ZNF462: variants seen among roughly 807,000 people sequenced by gnomAD.
The protein encoded by ZNF462 is zinc finger protein 462, also known as zinc finger PBX1-interacting protein.
A neutral mutation model predicts 201.9 loss-of-function variants in ZNF462; 10 were observed. The observed-to-expected ratio is 0.05, with a 90% CI of 0.03 to 0.08. The LOEUF is 0.08. Among genes scored for constraint, ZNF462 ranks in the 10% least tolerant of loss-of-function variants. The pLI is 1.00. For missense variants in ZNF462, 2,523 were observed against 3,168.3 expected, an observed-to-expected ratio of 0.80 and a Z score of 4.89; for synonymous variants, 1,227 against 1,193.3, an observed-to-expected ratio of 1.03 and a Z score of -0.58.
rs750663737 is a variant in ZNF462, at chr9:106,928,545, G to A, written c.4633G>A (p.Ala1545Thr). 2.5e-6 allele frequency: 4 copies of A among 1,613,966 alleles called. No homozygotes were observed. Among genetic ancestry groups the A allele is most frequent in the African/African-American group, 1.3e-5 (1 of 74,970 alleles). ...QKRHPSIKVTAEDFVHDVEQS... is the reference protein window; with the variant it reads ...QKRHPSIKVTTEDFVHDVEQS... Reference sequence around the variant, plus strand: ...GCGACACCCGTCCATCAAGGTGACCGCTGAGGACTTTGTGCACGACGTAGA... The same window carrying A: ...GCGACACCCGTCCATCAAGGTGACCACTGAGGACTTTGTGCACGACGTAGA... Residue 1545 changes from alanine (A) to threonine (T), a missense_variant, in exon 3 of 13, where the codon GCT becomes ACT. Coordinates refer to ENST00000277225, the MANE Select transcript of ZNF462 (RefSeq NM_021224.6). The surrounding 1 kb of genome is among the most constrained non-coding windows in gnomAD (Gnocchi z 9.3).
At position 106,925,831 on chromosome 9, in the gene ZNF462, C is replaced by T. The variant is rs753104624; in HGVS notation, c.1919C>T (p.Pro640Leu). 2.5e-6 allele frequency: 4 copies of T among 1,614,110 alleles called. No homozygotes were observed. The African/African-American group carries it at 4.0e-5, about 16-fold the overall frequency. ...PKFEGQPSSLPLENETDSHPS... is the reference protein window; with the variant it reads ...PKFEGQPSSLLLENETDSHPS... ...TTCGAGGGGCAGCCCTCAAGCCTAC[C>T]ATTGGAAAATGAGACAGACAGCCAC... The change falls in exon 3 of 13, where the codon CCA becomes CTA. Residue 640 changes from proline to leucine, a missense_variant. By Grantham distance (98) the Pro-to-Leu change is moderately conservative. Transcript: ENST00000277225. This position sits in a 1 kb window ranked among gnomAD's most constrained non-coding sequence, Gnocchi z 7.9.
At chr9:106,889,049 T>A (rs548799967) in intron 1 of ZNF462, among the ~76,000 whole-genome samples, 1 of 152,252 alleles carries the variant, frequency 6.6e-6, no homozygotes, top group Non-Finnish European at 1.5e-5. Flanking sequence ...ATATTCTGGA[T>A]ATGCTTTAAC....
chr9:106,959,052 T>G lies in ZNF462; in HGVS notation c.6428-12953T>G, dbSNP rs562071399. Reference sequence around the variant, plus strand: ...AGATGACTTTTTGAAGCAAGTTGATTTGTGACCATTCCATGTGCATTGTTA... The same window carrying G: ...AGATGACTTTTTGAAGCAAGTTGATGTGTGACCATTCCATGTGCATTGTTA... On this transcript the variant is annotated intron_variant, in intron 7 of 12. Coordinates refer to ENST00000277225, the MANE Select transcript of ZNF462 (RefSeq NM_021224.6). 2.9e-4 allele frequency among the ~76,000 whole-genome samples: 44 copies of G among 152,250 alleles called. 1 individual carries two copies. The highest frequency in any genetic ancestry group is 6.2e-4 in the South Asian group (3 of 4,830).
At chr9:106,888,908 T>G (rs772421356) in intron 1 of ZNF462, among the ~76,000 whole-genome samples, 3 of 152,266 alleles carry the variant, frequency 2.0e-5, no homozygotes, top group Non-Finnish European at 4.4e-5. Flanking sequence ...TGAGCCTTTG[T>G]TTTTGGAAGA....
In ZNF462 at chr9:106,870,879, C is replaced by G. The variant is rs988454120; in HGVS notation, c.-31+7524C>G. ...GTCTGAGCAGTTGAACCAGAACACA[C>G]GCTAAGGCCTCCAAATTTTGGAATT... On this transcript the variant is annotated intron_variant, in intron 1 of 12. Transcript: ENST00000277225. The surrounding 1 kb of genome is among the most constrained non-coding windows in gnomAD (Gnocchi z 4.3). Among the ~76,000 whole-genome samples the G allele has an allele frequency of 6.6e-6, 1 of 152,124 alleles. No individual in the cohort carries two copies. Among genetic ancestry groups the G allele is most frequent in the East Asian group, 1.9e-4 (1 of 5,192 alleles).
intron 1 of ZNF462, among the ~76,000 whole-genome samples, chr9:106,864,378 TG>T (rs943139182): frequency 5.3e-5 from 8 of 151,722 alleles, no homozygotes; most frequent in African/African-American, 1.9e-4. Context: ...GGCAGGGGCC[TG>T]GGGGGGCGTC....
In ZNF462 at chr9:106,982,146, G is replaced by A. The variant is rs535387899; in HGVS notation, c.6833-2040G>A. On this transcript the variant is annotated intron_variant, in intron 9 of 12. Coordinates refer to ENST00000277225, the MANE Select transcript of ZNF462 (RefSeq NM_021224.6). ...GCTGTTGACACTAGCTTGTTCATGG[G>A]TTCTGTCCATGAGTGCCTTACCCAG... is the stretch of plus-strand genomic sequence containing the variant. Among the ~76,000 whole-genome samples the A allele has an allele frequency of 2.4e-4, 36 of 152,304 alleles. No individual in the cohort carries two copies. The South Asian group carries it at 6.4e-3, about 27-fold the overall frequency.
rs1829089548 is a variant in ZNF462, at chr9:106,902,123, C to T, written c.-30-21231C>T. Among the ~76,000 whole-genome samples the T allele has an allele frequency of 6.6e-6, 1 of 152,036 alleles. No homozygotes were observed. Among genetic ancestry groups the T allele is most frequent in the East Asian group, 1.9e-4 (1 of 5,186 alleles). On this transcript the variant is annotated intron_variant, in intron 1 of 12. Transcript: ENST00000277225. This position sits in a 1 kb window ranked among gnomAD's most constrained non-coding sequence, Gnocchi z 4.2. ...TGCTGATTTTGCCAAGCGTTTTAAT[C>T]ATAAAGGGATGCTGGATTTTGTCGA...
rs751591599 is a variant in ZNF462 at position 106,925,698 on chromosome 9, C to A, written c.1786C>A (p.Pro596Thr). 3.7e-6 allele frequency: 6 copies of A among 1,614,166 alleles called. No individual in the cohort carries two copies. The South Asian group carries it at 4.4e-5, about 12-fold the overall frequency. Residue 596 changes from proline (P) to threonine (T), a missense_variant, in exon 3 of 13, where the codon CCT becomes ACT. Pro to Thr is a conservative substitution (Grantham distance 38). Coordinates refer to ENST00000277225, the MANE Select transcript of ZNF462 (RefSeq NM_021224.6). This position sits in a 1 kb window ranked among gnomAD's most constrained non-coding sequence, Gnocchi z 7.9. ...QQPQPPTQAA[P>T]LHPYKCTMCN... is the part of the protein sequence containing the mutation. ...GCCACAGCCACCCACACAAGCCGCA[C>A]CTCTGCACCCATACAAATGCACCAT...
intron 1 of ZNF462, among the ~76,000 whole-genome samples, chr9:106,904,900 C>T (rs1376348230): frequency 2.6e-5 from 4 of 152,126 alleles, no homozygotes; most frequent in Non-Finnish European, 5.9e-5. Context: ...AACTAACCTC[C>T]TGAATTCTTT....
Position 106,925,018 on chromosome 9 carries a change from A to G in ZNF462, c.1106A>G (p.Asp369Gly). ...GAGAGATCCCGTTATGGAATGACTG[A>G]CATGACCAATTCTTCTGCTGACCTG... is the stretch of plus-strand genomic sequence containing the variant. ...LTERSRYGMT[D>G]MTNSSADLET... is the part of the protein sequence containing the mutation. The change falls in exon 3 of 13, where the codon GAC becomes GGC. Residue 369 changes from aspartate (D) to glycine (G), a missense_variant. This residue lies in a region of ZNF462 where 480 missense variants were observed against 544.4 expected (regional missense o/e 0.88). Coordinates refer to ENST00000277225, the MANE Select transcript of ZNF462 (RefSeq NM_021224.6). This position sits in a 1 kb window ranked among gnomAD's most constrained non-coding sequence, Gnocchi z 7.9. The G allele has an allele frequency of 1.2e-6, 2 of 1,614,206 alleles. No homozygotes were observed. The highest frequency in any genetic ancestry group is 8.5e-7 in the Non-Finnish European group (1 of 1,180,034).
intron 1 of ZNF462, among the ~76,000 whole-genome samples, chr9:106,873,786 G>C (rs1158122421): frequency 6.6e-6 from 1 of 152,162 alleles, no homozygotes; most frequent in Non-Finnish European, 1.5e-5. Context: ...TAAGGGAGAT[G>C]GAGCAGATCC....
rs1828043912 is a variant in ZNF462, at chr9:106,880,501, T to C, written c.-31+17146T>C. Among the ~76,000 whole-genome samples, 1 of 152,234 alleles carries C rather than the reference T, an allele frequency of 6.6e-6. No individual in the cohort carries two copies. Among genetic ancestry groups the C allele is most frequent in the African/African-American group, 2.4e-5 (1 of 41,456 alleles). ...CATTTCATCCCGTGTAAAACACTCA[T>C]CTAAAATTAGCCACATCTCCTAACC... On this transcript the variant is annotated intron_variant, in intron 1 of 12. Transcript: ENST00000277225. The surrounding 1 kb of genome is among the most constrained non-coding windows in gnomAD (Gnocchi z 4.1).
chr9:106,888,080 C>T (rs1035203158), intron 1 of ZNF462, among the ~76,000 whole-genome samples: 2 of 148,190 alleles, frequency 1.3e-5, no homozygotes, highest in African/African-American at 5.0e-5. Context: ...CTCCCTCTGT[C>T]GCTCAGGCTG....
At position 106,962,197 on chromosome 9, in the gene ZNF462, C is replaced by T. The variant is rs28505762; in HGVS notation, c.6428-9808C>T. On this transcript the variant is annotated intron_variant, in intron 7 of 12. Transcript: ENST00000277225. This position sits in a 1 kb window ranked among gnomAD's most constrained non-coding sequence, Gnocchi z 4.6. ...GCAGTAGAAGTTCACACAGCAACCA[C>T]GAGGGCCTGAACAAAAGCCATGGCA... 0.011 allele frequency among the ~76,000 whole-genome samples: 1,611 copies of T among 152,084 alleles called. 27 individuals are homozygous for T. Among genetic ancestry groups the T allele is most frequent in the African/African-American group, 0.036 (1,504 of 41,504 alleles).
intron 7 of ZNF462, among the ~76,000 whole-genome samples, chr9:106,971,535 A>G (rs1250645711): frequency 6.6e-6 from 1 of 151,726 alleles, no homozygotes; most frequent in Non-Finnish European, 1.5e-5. Flanking sequence ...TCTGTGTTGT[A>G]GAATGTAAAT....
rs1048526991 is a variant in ZNF462 at position 106,880,288 on chromosome 9, C to T, written c.-31+16933C>T. Among the ~76,000 whole-genome samples the T allele has an allele frequency of 6.6e-6, 1 of 152,244 alleles. No individual in the cohort carries two copies. Among genetic ancestry groups the T allele is most frequent in the South Asian group, 2.1e-4 (1 of 4,832 alleles). On this transcript the variant is annotated intron_variant, in intron 1 of 12. Transcript: ENST00000277225. The surrounding 1 kb of genome is among the most constrained non-coding windows in gnomAD (Gnocchi z 4.1). ...TCTCTGCATCAGCTCATGATTCTGT[C>T]TGGGCCTGTGCAGTCCAGGAGCTGG...
chr9:106,909,752 A>G (rs547074411), intron 1 of ZNF462, among the ~76,000 whole-genome samples: 96 of 152,290 alleles, frequency 6.3e-4, no homozygotes, highest in Middle Eastern at 3.4e-3. Context: ...ATAATTGACT[A>G]ATTGTTAAAG....
chr9:106,935,283 A>G lies in ZNF462; in HGVS notation c.6117-220A>G, dbSNP rs1830585976. 7.1e-6 allele frequency among the ~76,000 whole-genome samples: 1 copy of G among 140,054 alleles called. No individual in the cohort carries two copies. Among genetic ancestry groups the G allele is most frequent in the Non-Finnish European group, 1.5e-5 (1 of 67,664 alleles). The allele number at this position is 140,054 out of a possible 152,430, so 91.9% of individuals were successfully genotyped here. A position where few individuals can be genotyped will look rare whatever the true frequency, so the allele number is the denominator to read the frequency against. On this transcript the variant is annotated intron_variant, in intron 5 of 12. Coordinates refer to ENST00000277225, the MANE Select transcript of ZNF462 (RefSeq NM_021224.6). This position sits in a 1 kb window ranked among gnomAD's most constrained non-coding sequence, Gnocchi z 4.1. ...TTACCACTGCCATATCTCTAAATCC[A>G]AAAAAAACTCTTGATCTCTTCCTTT...
Sources: allele counts gnomAD v4.1 joint callset (sites outside exome capture counted in the v4.1 genomes callset), GRCh38; gene constraint gnomAD v4.1.1; regional missense constraint gnomAD v4.1.1; non-coding constraint Gnocchi (gnomAD v3.1); transcripts MANE v1.5; gene names NCBI Gene and HGNC (gene_info 2026-07-23, HGNC 2026-07-21).